Variants in POLDIP2 observed in about 807,000 individuals in gnomAD.
The protein encoded by POLDIP2 is DNA polymerase delta interacting protein 2.
A neutral mutation model predicts 52.9 loss-of-function variants in POLDIP2; 32 were observed. That is an observed-to-expected ratio of 0.61 (90% CI 0.46 to 0.81). POLDIP2 has a LOEUF of 0.81. POLDIP2 is among the 40% of genes least tolerant of loss of function. The probability of loss-of-function intolerance (pLI) is 0.00; values close to 1 mark genes in which losing one functional copy is unlikely to be tolerated. For missense variants in POLDIP2, 371 were observed against 477.3 expected (o/e 0.78, Z 2.07); for synonymous variants, 183 against 183.0 (o/e 1.00, Z 0.00).
chr17:28,357,508 T>G lies in POLDIP2; in HGVS notation c.-60A>C, dbSNP rs1429354611. 13 of 1,437,258 alleles carry G rather than the reference T, an allele frequency of 9.0e-6. No homozygotes were observed. The highest frequency in any genetic ancestry group is 1.2e-5 in the Non-Finnish European group (13 of 1,105,482). 89.0% of individuals were successfully genotyped at this position (1,437,258 alleles called of 1,614,324 possible). On this transcript the variant is annotated 5_prime_UTR_variant, in exon 1 of 11. Transcript: ENST00000540200. ...GAGCCCGACCCGCGGCCGGGCGGCG[T>G]TCCGCCCCAGTCCCACACTGCCCCG...
At chr17:28,357,174 G>C in intron 1 of POLDIP2, 114 bp downstream of exon 1, 1 of 1,019,808 alleles carries the variant, frequency 9.8e-7, no homozygotes, top group South Asian at 1.8e-5. Context: ...CCCTCTCCCG[G>C]GTCAAACTCC....
intron 9 of POLDIP2, among the ~76,000 whole-genome samples, chr17:28,350,089 G>A (rs572541053): frequency 6.6e-6 from 1 of 152,156 alleles, no homozygotes; most frequent in Non-Finnish European, 1.5e-5. Flanking sequence ...GTGGGGGTGT[G>A]TGCCCCACCT....
chr17:28,357,390 G>A lies in POLDIP2; in HGVS notation c.59C>T (p.Ser20Leu), dbSNP rs1555581198. The A allele has an allele frequency of 3.3e-6, 5 of 1,531,152 alleles. No individual in the cohort carries two copies. Among genetic ancestry groups the A allele is most frequent in the Non-Finnish European group, 4.3e-6 (5 of 1,149,694 alleles). The allele number at this position is 1,531,152 out of a possible 1,614,324, so 94.8% of individuals were successfully genotyped here. ...LAVGSRWWSR[S>L]LTGARWPRPL... ...CCTTGGCCACCGGGCCCCAGTCAGC[G>A]ACCGGGACCACCAGCGGCTGCCCAC... The change falls in exon 1 of 11, where the codon TCG becomes TTG. Residue 20 changes from serine to leucine, a missense_variant. Physicochemically the swap from Ser to Leu is moderately radical, Grantham distance 145 (BLOSUM62 -2). Coordinates refer to ENST00000540200, the MANE Select transcript of POLDIP2 (RefSeq NM_015584.5).
intron 1 of POLDIP2, 22 bp downstream of exon 1, chr17:28,357,266 G>GC (rs1555581105): frequency 1.9e-6 from 3 of 1,556,306 alleles, no homozygotes. Context: ...AGTTCCTCGC[G>GC]CCCCCTGGCT....
rs782229878 is a variant in POLDIP2 at position 28,351,776 on chromosome 17, G to A, written c.647C>T (p.Thr216Met). 22 of 1,613,374 alleles carry A rather than the reference G, an allele frequency of 1.4e-5. No homozygotes were observed. The highest frequency in any genetic ancestry group is 2.7e-5 in the African/African-American group (2 of 74,864). The part of the protein sequence containing the change: ...TKAPPFVARE[T>M]LRAWQEKNHP... ...ATTCTTCTCTTGCCAGGCCCTTAGC[G>A]TCTCCCGAGCCACAAAAGGAGGTGC... Residue 216 changes from threonine to methionine, a missense_variant, in exon 7 of 11, where the codon ACG becomes ATG. Thr to Met is a moderately conservative substitution (Grantham distance 81). Transcript: ENST00000540200.
intron 7 of POLDIP2, among the ~76,000 whole-genome samples, chr17:28,351,446 T>C: frequency 6.6e-6 from 1 of 152,126 alleles, no homozygotes; most frequent in East Asian, 1.9e-4. Context: ...GATAAAGGAT[T>C]CCTTCCTGGG....
rs1907645091 is a variant in POLDIP2 at position 28,347,932 on chromosome 17, T to C, written c.*185A>G. 1.7e-6 allele frequency: 1 copy of C among 591,138 alleles called. No homozygotes were observed. The highest frequency in any genetic ancestry group is 3.0e-6 in the Non-Finnish European group (1 of 332,016). 36.6% of individuals were successfully genotyped at this position (591,138 alleles called of 1,614,324 possible). A position where few individuals can be genotyped will look rare whatever the true frequency, so the allele number is the denominator to read the frequency against. On this transcript the variant is annotated 3_prime_UTR_variant, in exon 11 of 11. Transcript: ENST00000540200. ...GCAGGGCTTATGAGGAGGCCAGCCT[T>C]GGAGGTGTCCCACATGGGTCTTCTG...
intron 10 of POLDIP2, 54 bp from the exon 11 acceptor site, chr17:28,348,285 G>T: frequency 8.4e-7 from 1 of 1,190,500 alleles, no homozygotes; most frequent in Non-Finnish European, 1.3e-6. Context: ...GCCTCCTAAG[G>T]ATCTGGATGG....
Position 28,347,961 on chromosome 17 carries a change from A to G in POLDIP2, c.*156T>C, listed in dbSNP as rs782196778. 3 of 608,086 alleles carry G rather than the reference A, an allele frequency of 4.9e-6. No homozygotes were observed. Among genetic ancestry groups the G allele is most frequent in the Non-Finnish European group, 8.8e-6 (3 of 341,258 alleles). 37.7% of individuals were successfully genotyped at this position (608,086 alleles called of 1,614,324 possible). ...GGTGTCCCACATGGGTCTTCTGAAG[A>G]AAAGTTATACCACCCCTCCCCACAA... On this transcript the variant is annotated 3_prime_UTR_variant, in exon 11 of 11. Coordinates refer to ENST00000540200, the MANE Select transcript of POLDIP2 (RefSeq NM_015584.5).
intron 2 of POLDIP2, 110 bp from the exon 3 acceptor site, chr17:28,354,695 T>C (rs1907948566): frequency 1.4e-6 from 1 of 707,592 alleles, no homozygotes; most frequent in East Asian, 2.7e-5. Flanking sequence ...AAGGTCTTGC[T>C]ACCTCTTCCC....
In POLDIP2 at chr17:28,347,967, T is replaced by C. The variant is rs996300256; in HGVS notation, c.*150A>G. On this transcript the variant is annotated 3_prime_UTR_variant, in exon 11 of 11. Transcript: ENST00000540200. ...CCACATGGGTCTTCTGAAGAAAAGTTATACCACCCCTCCCCACAAAAAGAA... is the reference window on the plus strand; with the variant it reads ...CCACATGGGTCTTCTGAAGAAAAGTCATACCACCCCTCCCCACAAAAAGAA... The C allele has an allele frequency of 1.6e-6, 1 of 612,832 alleles. No individual in the cohort carries two copies. Among genetic ancestry groups the C allele is most frequent in the Non-Finnish European group, 2.9e-6 (1 of 343,748 alleles). 38.0% of individuals were successfully genotyped at this position (612,832 alleles called of 1,614,324 possible). A position where few individuals can be genotyped will look rare whatever the true frequency, so the allele number is the denominator to read the frequency against.
Position 28,352,988 on chromosome 17 carries a change from G to A in POLDIP2, c.546C>T (p.Leu182=), listed in dbSNP as rs34126265. 1.5e-6 allele frequency: 2 copies of A among 1,318,310 alleles called. No individual in the cohort carries two copies. Among genetic ancestry groups the A allele is most frequent in the South Asian group, 2.4e-5 (2 of 85,090 alleles). 81.7% of individuals were successfully genotyped at this position (1,318,310 alleles called of 1,614,324 possible). ...GLDYVSHEDI[L]PYTSTDQVPI... is the part of the protein sequence containing the mutation. Reference sequence around the variant, plus strand: ...GAACCTGATCAGTGGAGGTGTAGGGGAGGATGTCTTCATGGCTGACATAGT... The same window carrying A: ...GAACCTGATCAGTGGAGGTGTAGGGAAGGATGTCTTCATGGCTGACATAGT... The change falls in exon 6 of 11, where the codon CTC becomes CTT. Residue 182 remains leucine (L), a synonymous_variant. Transcript: ENST00000540200.
intron 9 of POLDIP2, among the ~76,000 whole-genome samples, chr17:28,349,431 C>T (rs554344255): frequency 6.6e-4 from 94 of 141,930 alleles, no homozygotes; most frequent in African/African-American, 2.4e-3. Context: ...CTCTGCAGCC[C>T]GGGGAACACA....
In POLDIP2 at chr17:28,348,279, C is replaced by T. The variant is rs781878433; in HGVS notation, c.993-48G>A. The T allele has an allele frequency of 1.5e-5, 20 of 1,293,304 alleles. No individual in the cohort carries two copies. The African/African-American group carries it at 1.6e-4, about 10-fold the overall frequency. 80.1% of individuals were successfully genotyped at this position (1,293,304 alleles called of 1,614,324 possible). A position where few individuals can be genotyped will look rare whatever the true frequency, so the allele number is the denominator to read the frequency against. On this transcript the variant is annotated intron_variant, in intron 10 of 10. Transcript: ENST00000540200. ...TTAGAAGGAGCCAGGGCTGAGGCCT[C>T]CTAAGGATCTGGATGGCCCCATGCC... is the stretch of plus-strand genomic sequence containing the variant.
chr17:28,353,575 G>T, intron 4 of POLDIP2, 120 bp downstream of exon 4: 1 of 700,724 alleles, frequency 1.4e-6, no homozygotes. Context: ...TGCAGTCCAA[G>T]GCCTTGGGGA....
intron 9 of POLDIP2, 85 bp from the exon 10 acceptor site, chr17:28,349,247 C>G: frequency 2.2e-6 from 2 of 918,928 alleles, no homozygotes; most frequent in Non-Finnish European, 3.4e-6. Flanking sequence ...ACTGCCAGTT[C>G]ATCAAGACTG....
At chr17:28,349,903 C>T (rs1907733422) in intron 9 of POLDIP2, among the ~76,000 whole-genome samples, 3 of 152,188 alleles carry the variant, frequency 2.0e-5, no homozygotes, top group East Asian at 3.8e-4. Context: ...CCTCCCCAGT[C>T]CTCGCTGACT....
In POLDIP2 at chr17:28,350,408, GACCAGAATTAC is replaced by G. The variant is rs1567791288; in HGVS notation, c.912+19_912+29del. On this transcript the variant is annotated intron_variant, in intron 9 of 10. Coordinates refer to ENST00000540200, the MANE Select transcript of POLDIP2 (RefSeq NM_015584.5). ...CTAAGCCCCCAGGCTTGCCACACAGGACCAGAATTACTAGACCAAGGATGCTCACCCTGCCC... is the reference window on the plus strand; with the variant it reads ...CTAAGCCCCCAGGCTTGCCACACAGGTAGACCAAGGATGCTCACCCTGCCC... 6.3e-7 allele frequency: 1 copy of G among 1,587,272 alleles called. No homozygotes were observed. Among genetic ancestry groups the G allele is most frequent in the East Asian group, 2.3e-5 (1 of 44,108 alleles).
Position 28,347,965 on chromosome 17 carries a change from G to C in POLDIP2, c.*152C>G. 2 of 612,470 alleles carry C rather than the reference G, an allele frequency of 3.3e-6. No homozygotes were observed. The highest frequency in any genetic ancestry group is 2.9e-6 in the Non-Finnish European group (1 of 343,598). 37.9% of individuals were successfully genotyped at this position (612,470 alleles called of 1,614,324 possible). On this transcript the variant is annotated 3_prime_UTR_variant, in exon 11 of 11. Coordinates refer to ENST00000540200, the MANE Select transcript of POLDIP2 (RefSeq NM_015584.5). ...TCCCACATGGGTCTTCTGAAGAAAA[G>C]TTATACCACCCCTCCCCACAAAAAG...
Sources: allele counts gnomAD v4.1 joint callset (sites outside exome capture counted in the v4.1 genomes callset), GRCh38; gene constraint gnomAD v4.1.1; transcripts MANE v1.5; gene names NCBI Gene and HGNC (gene_info 2026-07-23, HGNC 2026-07-21).